Variants in CNTNAP2 observed in about 807,000 individuals in gnomAD.
The protein encoded by CNTNAP2 is contactin associated protein 2.
In CNTNAP2, 98 loss-of-function variants were observed where a neutral mutation model predicts 155.2. That is an observed-to-expected ratio of 0.63 (90% CI 0.54 to 0.75). The LOEUF (loss-of-function observed/expected upper bound fraction) is 0.75, where lower values mean the gene tolerates loss of function less well. Among genes scored for constraint, CNTNAP2 ranks in the 30% least tolerant of loss-of-function variants. The probability of loss-of-function intolerance (pLI) is 0.00; values close to 1 mark genes in which losing one functional copy is unlikely to be tolerated. For missense variants in CNTNAP2, 1,727 were observed against 1,688.1 expected (o/e 1.02, Z -0.40); for synonymous variants, 651 against 631.2 (o/e 1.03, Z -0.47).
rs1393840008 is a variant in CNTNAP2, at chr7:148,419,485, A to G, written c.*3869A>G. On this transcript the variant is annotated 3_prime_UTR_variant, in exon 24 of 24. Coordinates refer to ENST00000361727, the MANE Select transcript of CNTNAP2 (RefSeq NM_014141.6). Reference sequence around the variant, plus strand: ...TGCTCTGTCCCCCAGGCTGGAGTGCACTGGCGCAATCTCGGGCTCACTGCA... The same window carrying G: ...TGCTCTGTCCCCCAGGCTGGAGTGCGCTGGCGCAATCTCGGGCTCACTGCA... 1 of 152,000 alleles carries G rather than the reference A, an allele frequency of 6.6e-6. No individual in the cohort carries two copies. The highest frequency in any genetic ancestry group is 1.9e-4 in the East Asian group (1 of 5,176). 9.4% of individuals were successfully genotyped at this position (152,000 alleles called of 1,614,324 possible). A position where few individuals can be genotyped will look rare whatever the true frequency, so the allele number is the denominator to read the frequency against.
chr7:147,261,124 G>T (rs564607953), intron 8 of CNTNAP2, among the ~76,000 whole-genome samples: 1 of 152,276 alleles, frequency 6.6e-6, no homozygotes. Context: ...TCTAGCTTTT[G>T]AATGATTTAT....
intron 1 of CNTNAP2, among the ~76,000 whole-genome samples, chr7:146,383,903 T>C (rs1161562775): frequency 2.0e-5 from 3 of 152,196 alleles, no homozygotes; most frequent in Non-Finnish European, 4.4e-5. Context: ...AGCAAGGTTT[T>C]TGATAGCATA....
At chr7:146,948,355 A>T (rs752229487) in intron 3 of CNTNAP2, among the ~76,000 whole-genome samples, 2 of 152,206 alleles carry the variant, frequency 1.3e-5, no homozygotes, top group Admixed American at 6.6e-5. Context: ...ATGATGTAAG[A>T]TAATTTTGTG....
chr7:147,221,799 T>G (rs1434420032), intron 8 of CNTNAP2, among the ~76,000 whole-genome samples: 1 of 152,218 alleles, frequency 6.6e-6, no homozygotes, highest in African/African-American at 2.4e-5. Flanking sequence ...ATTTTTTTCT[T>G]TGGCCAGACA....
At chr7:147,603,097 C>G (rs1800987539) in intron 12 of CNTNAP2, among the ~76,000 whole-genome samples, 1 of 151,494 alleles carries the variant, frequency 6.6e-6, no homozygotes, top group Non-Finnish European at 1.5e-5. Flanking sequence ...TTTACAGTCC[C>G]ACCAACAGTG....
At chr7:147,947,232 G>C (rs565172042) in intron 14 of CNTNAP2, among the ~76,000 whole-genome samples, 1 of 152,252 alleles carries the variant, frequency 6.6e-6, no homozygotes, top group South Asian at 2.1e-4. Flanking sequence ...CTCTTCTCCA[G>C]TGGTTAATCT....
intron 9 of CNTNAP2, among the ~76,000 whole-genome samples, chr7:147,371,370 T>G (rs2116915134): frequency 6.6e-6 from 1 of 152,294 alleles, no homozygotes; most frequent in East Asian, 1.9e-4. Context: ...CTGGTTTGTT[T>G]TATGTACTAC....
chr7:146,971,642 TTTTC>T (rs1797800584), intron 3 of CNTNAP2, among the ~76,000 whole-genome samples: 1 of 152,098 alleles, frequency 6.6e-6, no homozygotes, highest in Admixed American at 6.6e-5. Flanking sequence ...GTGAGGGTCC[TTTTC>T]TGTGCAGATT....
intron 13 of CNTNAP2, among the ~76,000 whole-genome samples, chr7:147,792,979 C>A (rs1797841813): frequency 6.6e-6 from 1 of 151,978 alleles, no homozygotes; most frequent in African/African-American, 2.4e-5. Context: ...TGTTTATCGG[C>A]CATTTGTTTA....
intron 1 of CNTNAP2, among the ~76,000 whole-genome samples, chr7:146,629,914 G>T (rs1352097208): frequency 6.6e-6 from 1 of 151,988 alleles, no homozygotes; most frequent in Non-Finnish European, 1.5e-5. Context: ...TCATATTTTA[G>T]GATGGGGTAT....
At chr7:146,332,242 A>G (rs1280423026) in intron 1 of CNTNAP2, among the ~76,000 whole-genome samples, 1 of 151,996 alleles carries the variant, frequency 6.6e-6, no homozygotes, top group South Asian at 2.1e-4. Context: ...AACTTTTATA[A>G]TCGAATGCAT....
chr7:148,206,015 T>C (rs1795443444), intron 18 of CNTNAP2, among the ~76,000 whole-genome samples: 1 of 151,844 alleles, frequency 6.6e-6, no homozygotes, highest in Admixed American at 6.6e-5. Context: ...TATATGCATA[T>C]AGGCATATAC....
rs559423039 is a variant in CNTNAP2 at position 147,991,255 on chromosome 7, G to A, written c.2383+13266G>A. ...CAGAAGTCTGTATCATGGTGCCAAG[G>A]ACAATGCCTGCCACATTGAGGCACT... On this transcript the variant is annotated intron_variant, in intron 15 of 23. Transcript: ENST00000361727. Among the ~76,000 whole-genome samples the A allele has an allele frequency of 3.9e-5, 6 of 152,280 alleles. No individual in the cohort carries two copies. In the South Asian group the frequency reaches 1.2e-3, roughly 32 times the overall value.
intron 4 of CNTNAP2, among the ~76,000 whole-genome samples, chr7:147,066,788 T>C (rs1799787112): frequency 6.6e-6 from 1 of 152,214 alleles, no homozygotes; most frequent in East Asian, 1.9e-4. Flanking sequence ...TGTCTTTTAG[T>C]CAGGTAAGAT....
intron 1 of CNTNAP2, among the ~76,000 whole-genome samples, chr7:146,330,015 T>TC (rs1367359168): frequency 3.9e-5 from 5 of 129,006 alleles, no homozygotes; most frequent in Admixed American, 7.5e-5. Flanking sequence ...GTACTTTCTT[T>TC]TTTTTTTTTT....
intron 3 of CNTNAP2, among the ~76,000 whole-genome samples, chr7:146,904,750 C>T (rs576969802): frequency 6.6e-6 from 1 of 152,182 alleles, no homozygotes; most frequent in Non-Finnish European, 1.5e-5. Context: ...GGATTACAGG[C>T]GTGAGCCACC....
intron 13 of CNTNAP2, among the ~76,000 whole-genome samples, chr7:147,727,864 G>C (rs1796670565): frequency 6.6e-6 from 1 of 151,640 alleles, no homozygotes; most frequent in Non-Finnish European, 1.5e-5. Flanking sequence ...AGGAAGCAGA[G>C]AACTGTCTGA....
chr7:146,436,401 A>G (rs985345653), intron 1 of CNTNAP2, among the ~76,000 whole-genome samples: 2 of 152,220 alleles, frequency 1.3e-5, no homozygotes, highest in Admixed American at 6.5e-5. Flanking sequence ...ATAATTTTTC[A>G]CATGTATATT....
intron 4 of CNTNAP2, among the ~76,000 whole-genome samples, chr7:147,082,254 A>C (rs530467735): frequency 6.6e-6 from 1 of 152,360 alleles, no homozygotes; most frequent in Admixed American, 6.5e-5. Context: ...ATTACCAAAG[A>C]ATAGTTTAGG....
Sources: gnomAD v4.1 joint callset for allele counts (sites outside exome capture counted in the v4.1 genomes callset) on GRCh38, gnomAD v4.1.1 for gene constraint, MANE v1.5 for transcripts, NCBI Gene and HGNC (gene_info 2026-07-23, HGNC 2026-07-21) for gene names.